RAB6A: variants seen among roughly 807,000 people sequenced by gnomAD.
RAB6A encodes ras-related protein Rab-6A.
A neutral mutation model predicts 32.3 loss-of-function variants in RAB6A; 8 were observed. The observed-to-expected ratio is 0.25, with a 90% confidence interval of 0.15 to 0.45. RAB6A has a LOEUF of 0.45. Ranked by LOEUF, RAB6A falls within the 20% of genes least tolerant of loss-of-function variation. RAB6A has a pLI of 1.00. For synonymous variants in RAB6A, 73 were observed against 82.1 expected (o/e 0.89, Z 0.60); for missense variants, 104 against 249.4 (o/e 0.42, Z 3.93).
intron 2 of RAB6A, among the ~76,000 whole-genome samples, chr11:73,727,618 T>A (rs1946242014): frequency 6.6e-6 from 1 of 152,160 alleles, no homozygotes; most frequent in Non-Finnish European, 1.5e-5. Flanking sequence ...TAAGGCTCAT[T>A]ACATAGCTTT....
chr11:73,732,580 T>C (rs565166234), intron 1 of RAB6A, among the ~76,000 whole-genome samples: 14 of 152,202 alleles, frequency 9.2e-5, no homozygotes, highest in African/African-American at 2.9e-4. Context: ...AGCGAGACTC[T>C]GTCTCAAAAA....
At chr11:73,687,197 G>A (rs1945472310) in intron 6 of RAB6A, among the ~76,000 whole-genome samples, 1 of 152,092 alleles carries the variant, frequency 6.6e-6, no homozygotes, top group African/African-American at 2.4e-5. Context: ...ACACAAAGTA[G>A]AATGGCTGGC....
At chr11:73,730,044 G>C (rs1565369076) in intron 2 of RAB6A, 1 of 152,212 alleles carries the variant, frequency 6.6e-6, no homozygotes, top group African/African-American at 2.4e-5. Context: ...CTCTTCTCTT[G>C]GGATCTGTGA....
In RAB6A at chr11:73,675,873, A is replaced by G. The variant is rs1945263632; in HGVS notation, c.*2025T>C. The G allele has an allele frequency of 6.0e-6, 1 of 167,146 alleles. No homozygotes were observed. The highest frequency in any genetic ancestry group is 2.1e-4 in the South Asian group (1 of 4,830). 10.4% of individuals were successfully genotyped at this position (167,146 alleles called of 1,614,324 possible). A position where few individuals can be genotyped will look rare whatever the true frequency, so the allele number is the denominator to read the frequency against. ...ATGTCAGAAGTCACAACTTCTTCCA[A>G]ATAAAGAATATGACCCATCTGCCAT... On this transcript the variant is annotated 3_prime_UTR_variant, in exon 8 of 8. Transcript: ENST00000336083.
chr11:73,732,154 T>C (rs939117639), intron 1 of RAB6A, among the ~76,000 whole-genome samples: 2 of 152,158 alleles, frequency 1.3e-5, no homozygotes, highest in African/African-American at 4.8e-5. Flanking sequence ...CCATATCTGA[T>C]TATTTTTCTA....
chr11:73,740,856 C>A (rs1946483903), intron 1 of RAB6A, among the ~76,000 whole-genome samples: 3 of 151,790 alleles, frequency 2.0e-5, no homozygotes, highest in Admixed American at 1.3e-4. Flanking sequence ...CCAGTGCACT[C>A]CAGCCTGGGC....
chr11:73,723,589 A>G (rs1016452083), intron 2 of RAB6A, among the ~76,000 whole-genome samples: 6 of 152,146 alleles, frequency 3.9e-5, no homozygotes, highest in African/African-American at 1.4e-4. Flanking sequence ...TCGGCCTCCC[A>G]AAGTGCTGGG....
intron 1 of RAB6A, among the ~76,000 whole-genome samples, chr11:73,731,482 T>G (rs1946299932): frequency 7.4e-6 from 1 of 134,446 alleles, no homozygotes; most frequent in African/African-American, 2.8e-5. Context: ...AGATGGAGGT[T>G]GCAGTGAGCC....
chr11:73,722,327 A>T (rs1407413838), intron 2 of RAB6A: 6 of 11,978 alleles, frequency 5.0e-4, no homozygotes, highest in African/African-American at 1.3e-3. Context: ...ATATATATAT[A>T]TATATATATA....
At chr11:73,705,850 A>T (rs1945832777) in intron 6 of RAB6A, among the ~76,000 whole-genome samples, 2 of 151,494 alleles carry the variant, frequency 1.3e-5, no homozygotes, top group Admixed American at 6.6e-5. Context: ...TGCTGAGATC[A>T]GGTCGGTGAA....
At chr11:73,698,849 A>ATTTTTTTTTTTTTTTTTTTTTTTTTGTT (rs555410867) in intron 6 of RAB6A, among the ~76,000 whole-genome samples, 1 of 118,276 alleles carries the variant, frequency 8.5e-6, no homozygotes, top group Non-Finnish European at 1.7e-5. Context: ...TTTTTTTGCG[A>ATTTTTTTTTTTTTTTTTTTTTTTTTGTT]TTTTTTTTTT....
chr11:73,732,549 G>A (rs544946378), intron 1 of RAB6A, among the ~76,000 whole-genome samples: 37 of 152,280 alleles, frequency 2.4e-4, no homozygotes, highest in African/African-American at 8.7e-4. Flanking sequence ...CTGCGCCACC[G>A]CGCTCCAGAC....
At chr11:73,712,205 G>C (rs1945967486) in intron 5 of RAB6A, among the ~76,000 whole-genome samples, 2 of 152,040 alleles carry the variant, frequency 1.3e-5, no homozygotes, top group African/African-American at 2.4e-5. Context: ...ATTTGTCCTA[G>C]TGTAATATGA....
chr11:73,679,313 A>AAAAG lies in RAB6A; in HGVS notation c.562+337_562+340dup, dbSNP rs139870177. ...TCAAGTAGAAAGCTCAAGTGTTAGA[A>AAAAG]AAAGAAATGAAAATTTGATATTCCA... On this transcript the variant is annotated intron_variant, in intron 7 of 7. Coordinates refer to ENST00000336083, the MANE Select transcript of RAB6A (RefSeq NM_198896.2). Among the ~76,000 whole-genome samples the AAAAG allele has an allele frequency of 5.4e-3, 825 of 152,334 alleles. 8 individuals are homozygous for AAAAG. The highest frequency in any genetic ancestry group is 0.018 in the African/African-American group (753 of 41,568).
At chr11:73,678,654 C>T (rs1945304263) in intron 7 of RAB6A, among the ~76,000 whole-genome samples, 1 of 151,112 alleles carries the variant, frequency 6.6e-6, no homozygotes, top group Non-Finnish European at 1.5e-5. Flanking sequence ...CATACTTCAA[C>T]TCAATAGAAC....
chr11:73,714,203 A>ATATATATAT (rs1202329143), intron 5 of RAB6A, among the ~76,000 whole-genome samples: 10 of 62,604 alleles, frequency 1.6e-4, no homozygotes, highest in African/African-American at 5.7e-4. Context: ...AAAAAAAAAA[A>ATATATATAT]AAAAAAATAT....
intron 6 of RAB6A, among the ~76,000 whole-genome samples, chr11:73,681,862 G>C (rs1409889195): frequency 2.0e-5 from 3 of 152,028 alleles, no homozygotes; most frequent in Non-Finnish European, 4.4e-5. Context: ...ATTTTGATCT[G>C]GTAGACAAAA....
chr11:73,734,813 T>C (rs1200861489), intron 1 of RAB6A, among the ~76,000 whole-genome samples: 1 of 151,542 alleles, frequency 6.6e-6, no homozygotes, highest in Non-Finnish European at 1.5e-5. Context: ...TAAAGGAGAG[T>C]GTCTCTCAGT....
chr11:73,712,311 C>T (rs1322574040), intron 5 of RAB6A, among the ~76,000 whole-genome samples: 2 of 151,934 alleles, frequency 1.3e-5, no homozygotes, highest in African/African-American at 4.8e-5. Flanking sequence ...GAGGTACCAC[C>T]TTCATACTTA....
Sources: gnomAD v4.1 joint callset for allele counts (sites outside exome capture counted in the v4.1 genomes callset) on GRCh38, gnomAD v4.1.1 for gene constraint, MANE v1.5 for transcripts, NCBI Gene and HGNC (gene_info 2026-07-23, HGNC 2026-07-21) for gene names.